Variants in POLN observed in about 807,000 individuals in gnomAD.
POLN encodes DNA polymerase N.
Under a neutral mutation model 113.5 loss-of-function variants are expected in POLN, and 108 were observed. The ratio of observed to expected loss-of-function variants is 0.95; its 90% confidence interval spans 0.81 to 1.12. The LOEUF (loss-of-function observed/expected upper bound fraction) is 1.12, where lower values mean the gene tolerates loss of function less well. POLN is among the 50% of genes most tolerant of loss of function. The pLI, the probability that POLN is intolerant of heterozygous loss-of-function variation, is 0.00. For synonymous variants in POLN, 386 were observed against 391.5 expected, an observed-to-expected ratio of 0.99 and a Z score of 0.17; for missense variants, 1,097 against 1,077.1, an observed-to-expected ratio of 1.02 and a Z score of -0.26.
intron 9 of POLN, 29 bp from the exon 10 acceptor site, chr4:2,174,780 G>A (rs765988451): frequency 2.8e-5 from 41 of 1,467,906 alleles, no homozygotes; most frequent in Non-Finnish European, 3.4e-5. Flanking sequence ...TAACATCAAC[G>A]TCAATTTAAA....
At chr4:2,090,286 C>G (rs1471043779) in intron 20 of POLN, 13 of 811,916 alleles carry the variant, frequency 1.6e-5, no homozygotes, top group Non-Finnish European at 2.5e-5. Flanking sequence ...TTCTGCACAT[C>G]AAACTTGTTC....
chr4:2,239,296 T>C (rs1734885635), intron 2 of POLN, among the ~76,000 whole-genome samples: 1 of 152,244 alleles, frequency 6.6e-6, no homozygotes. Flanking sequence ...GATCTTATTA[T>C]ACTTCTTTTA....
chr4:2,081,426 T>A, intron 22 of POLN: 1 of 627,888 alleles, frequency 1.6e-6, no homozygotes, highest in South Asian at 1.9e-5. Context: ...AATCATCCAA[T>A]CATCCTAGCT....
intron 13 of POLN, among the ~76,000 whole-genome samples, chr4:2,163,215 G>A (rs954420116): frequency 2.0e-5 from 3 of 152,110 alleles, no homozygotes; most frequent in African/African-American, 4.8e-5. Flanking sequence ...AACAGTGGGC[G>A]GTATCTTGCC....
Position 2,241,503 on chromosome 4 carries a change from A to T in POLN, c.-13+17T>A, listed in dbSNP as rs1388198468. The T allele has an allele frequency of 1.0e-6, 1 of 985,668 alleles. No individual in the cohort carries two copies. Among genetic ancestry groups the T allele is most frequent in the Non-Finnish European group, 1.2e-6 (1 of 830,166 alleles). 61.1% of individuals were successfully genotyped at this position (985,668 alleles called of 1,614,324 possible). On this transcript the variant is annotated intron_variant, in intron 2 of 25. Coordinates refer to ENST00000511885, the MANE Select transcript of POLN (RefSeq NM_181808.4). ...AATAAGCATGGCACATCTTCTGAAGATCAACTAAATATTTACCTCAACGTC... is the reference window on the plus strand; with the variant it reads ...AATAAGCATGGCACATCTTCTGAAGTTCAACTAAATATTTACCTCAACGTC...
At chr4:2,157,795 T>C (rs1378673475) in intron 15 of POLN, 63 bp downstream of exon 15, 1 of 1,001,352 alleles carries the variant, frequency 1.0e-6, no homozygotes, top group Non-Finnish European at 1.5e-6. Context: ...AGGTTCTATA[T>C]GTATCTGAAC....
Position 2,241,584 on chromosome 4 carries a change from G to C in POLN, c.-77C>G. ...ACCACCGCGACGCGGAGAACAGCAG[G>C]AGCAGCAGGGAAGCGCGCGGCCACA... is the stretch of plus-strand genomic sequence containing the variant. On this transcript the variant is annotated 5_prime_UTR_variant, in exon 2 of 26. Coordinates refer to ENST00000511885, the MANE Select transcript of POLN (RefSeq NM_181808.4). 7 of 985,732 alleles carry C rather than the reference G, an allele frequency of 7.1e-6. No individual in the cohort carries two copies. The highest frequency in any genetic ancestry group is 8.4e-6 in the Non-Finnish European group (7 of 830,172). The allele number at this position is 985,732 out of a possible 1,614,324, so 61.1% of individuals were successfully genotyped here.
At chr4:2,187,243 TTTTGTTTG>T (rs60252914) in intron 7 of POLN, among the ~76,000 whole-genome samples, 1 of 151,550 alleles carries the variant, frequency 6.6e-6, no homozygotes, top group Non-Finnish European at 1.5e-5. Flanking sequence ...TGTTTGTTTG[TTTTGTTTG>T]TTTGTTTGTT....
intron 13 of POLN, among the ~76,000 whole-genome samples, chr4:2,167,908 T>A (rs1295203077): frequency 2.0e-5 from 3 of 149,412 alleles, no homozygotes; most frequent in South Asian, 2.1e-4. Context: ...TCAAAAAAAA[T>A]TTTTTTTTTA....
intron 16 of POLN, among the ~76,000 whole-genome samples, chr4:2,152,433 C>G (rs1364606213): frequency 6.7e-6 from 1 of 149,722 alleles, no homozygotes; most frequent in Admixed American, 6.7e-5. Flanking sequence ...CCTCAAACTC[C>G]TGGGCTCAAG....
intron 5 of POLN, 139 bp downstream of exon 5, chr4:2,207,848 A>AT (rs1452771628): frequency 2.1e-5 from 20 of 958,666 alleles, no homozygotes; most frequent in Non-Finnish European, 2.9e-5. Context: ...GGGAGCATAC[A>AT]TTGTCAATCA....
At chr4:2,226,412 T>C (rs1470107741) in intron 3 of POLN, among the ~76,000 whole-genome samples, 4 of 152,232 alleles carry the variant, frequency 2.6e-5, no homozygotes, top group Non-Finnish European at 5.9e-5. Flanking sequence ...CCCATGATTA[T>C]GAAGTGGTTG....
chr4:2,171,041 C>T, intron 12 of POLN, 57 bp downstream of exon 12: 5 of 1,405,680 alleles, frequency 3.6e-6, no homozygotes, highest in Non-Finnish European at 5.0e-6. Context: ...AAATAAATCT[C>T]CCTTTAACTC....
chr4:2,192,800 T>C (rs1439685097), intron 7 of POLN, among the ~76,000 whole-genome samples: 1 of 150,532 alleles, frequency 6.6e-6, no homozygotes, highest in Non-Finnish European at 1.5e-5. Flanking sequence ...GGACTCCATC[T>C]CTAAAAAAAT....
chr4:2,160,027 G>C (rs1732540430), intron 13 of POLN, among the ~76,000 whole-genome samples: 1 of 152,194 alleles, frequency 6.6e-6, no homozygotes, highest in Non-Finnish European at 1.5e-5. Context: ...CTTTAGCAGA[G>C]ATACTGCCAG....
At chr4:2,159,246 G>A (rs376726025) in intron 13 of POLN, 35 bp from the exon 14 acceptor site, 123 of 1,512,876 alleles carry the variant, frequency 8.1e-5, no homozygotes, top group Non-Finnish European at 1.0e-4. Flanking sequence ...AATGTAATTC[G>A]TCCATTTTAA....
chr4:2,092,441 T>C (rs997655496), intron 20 of POLN, among the ~76,000 whole-genome samples: 1 of 152,194 alleles, frequency 6.6e-6, no homozygotes, highest in African/African-American at 2.4e-5. Context: ...TTGAATTCAG[T>C]TGACTGATGG....
chr4:2,178,142 C>T (rs770035408), intron 8 of POLN, among the ~76,000 whole-genome samples: 2 of 152,222 alleles, frequency 1.3e-5, no homozygotes, highest in Non-Finnish European at 2.9e-5. Context: ...ATCCCCAGCT[C>T]AGTGCCTGGT....
At chr4:2,132,936 T>C (rs766295200) in intron 16 of POLN, among the ~76,000 whole-genome samples, 1 of 152,202 alleles carries the variant, frequency 6.6e-6, no homozygotes, top group African/African-American at 2.4e-5. Flanking sequence ...GTAAATATAA[T>C]AAATCAGCTT....
Sources: gnomAD v4.1 joint callset for allele counts (sites outside exome capture counted in the v4.1 genomes callset) on GRCh38, gnomAD v4.1.1 for gene constraint, MANE v1.5 for transcripts, NCBI Gene and HGNC (gene_info 2026-07-23, HGNC 2026-07-21) for gene names.